The following OTUD7B variants were observed in gnomAD, a reference collection of about 807,000 sequenced individuals.
OTUD7B encodes the protein OTU domain-containing protein 7B.
OTUD7B carries 34 observed loss-of-function variants against 82.2 expected under a neutral mutation model. The observed-to-expected ratio is 0.41, with a 90% CI of 0.31 to 0.55. The LOEUF is 0.55. Among genes scored for constraint, OTUD7B ranks in the 20% least tolerant of loss-of-function variants. OTUD7B has a pLI of 0.20. For synonymous variants in OTUD7B, 398 were observed against 402.7 expected (o/e 0.99, Z 0.14); for missense variants, 944 against 1,062.1 (o/e 0.89, Z 1.55).
chr1:150,014,487 T>C (rs587633834), upstream of OTUD7B, among the ~76,000 whole-genome samples: 12 of 151,748 alleles, frequency 7.9e-5, no homozygotes, highest in Admixed American at 7.2e-4. Flanking sequence ...CCCTAGGAAT[T>C]TACCCAATAG....
At chr1:150,060,029 G>GA in the OTUD7B span, among the ~76,000 whole-genome samples, 22 of 151,838 alleles carry the variant, frequency 1.4e-4, no homozygotes, top group South Asian at 2.9e-3. Context: ...GTTTAAAAGA[G>GA]AAAAAAAATC....
the OTUD7B span, among the ~76,000 whole-genome samples, chr1:150,042,153 C>CCCTT: frequency 2.9e-5 from 3 of 105,026 alleles, no homozygotes; most frequent in Non-Finnish European, 5.8e-5. Context: ...CTTCCTTCCT[C>CCCTT]CCTTCCTTCC....
Position 149,967,472 on chromosome 1 carries a change from G to C in OTUD7B, c.324C>G (p.Ser108=). ...GISHASSSIV[S]LARSHVSSNG... ...TGGAGGAGACATGGGACCGGGCCAG[G>C]GAAACAATGCTGGAGCTGGCGTGGG... is the stretch of plus-strand genomic sequence containing the variant. Residue 108 remains serine (S), a synonymous_variant, in exon 4 of 12, where the codon TCC becomes TCG. Coordinates refer to ENST00000581312, the MANE Select transcript of OTUD7B (RefSeq NM_020205.4). 6.2e-7 allele frequency: 1 copy of C among 1,613,714 alleles called. No individual in the cohort carries two copies. The highest frequency in any genetic ancestry group is 8.5e-7 in the Non-Finnish European group (1 of 1,179,754).
upstream of OTUD7B, among the ~76,000 whole-genome samples, chr1:150,014,196 T>A (rs138693478): frequency 3.3e-4 from 45 of 137,920 alleles, no homozygotes; most frequent in African/African-American, 1.2e-3. Flanking sequence ...CACAGGAGTT[T>A]GAGACCAGCC....
At position 149,944,816 on chromosome 1, in the gene OTUD7B, T is replaced by A. The variant is rs782049026; in HGVS notation, c.1573A>T (p.Met525Leu). Residue 525 changes from methionine to leucine, a missense_variant, in exon 12 of 12, where the codon ATG (methionine) becomes TTG (leucine). This residue lies in a region of OTUD7B where 412 missense variants were observed against 418.7 expected (regional missense o/e 0.98). Coordinates refer to ENST00000581312, the MANE Select transcript of OTUD7B (RefSeq NM_020205.4). ...SKLKKNMGGL[M>L]HSKGSKPGGV... is the part of the protein sequence containing the mutation. ...CCAGGCTTTGAACCCTTGCTGTGCATCAGGCCCCCCATGTTCTTCTTGAGC... is the reference window on the plus strand; with the variant it reads ...CCAGGCTTTGAACCCTTGCTGTGCAACAGGCCCCCCATGTTCTTCTTGAGC... 1 of 1,614,118 alleles carries A rather than the reference T, an allele frequency of 6.2e-7. No homozygotes were observed. Among genetic ancestry groups the A allele is most frequent in the Non-Finnish European group, 8.5e-7 (1 of 1,180,022 alleles).
chr1:150,059,138 C>T, the OTUD7B span, among the ~76,000 whole-genome samples: 1 of 147,760 alleles, frequency 6.8e-6, no homozygotes, highest in African/African-American at 2.5e-5. Context: ...ACTGCAACCT[C>T]TGCCGCCCAG....
chr1:149,993,523 G>T (rs1203531282), intron 1 of OTUD7B, among the ~76,000 whole-genome samples: 2 of 152,058 alleles, frequency 1.3e-5, no homozygotes, highest in African/African-American at 2.4e-5. Flanking sequence ...AAGATGAAGA[G>T]GAAATTTTAA....
chr1:149,954,884 T>G (rs1648544527), intron 7 of OTUD7B, among the ~76,000 whole-genome samples: 1 of 152,210 alleles, frequency 6.6e-6, no homozygotes. Flanking sequence ...GGATCGGTGG[T>G]GATATGCCCT....
chr1:150,050,409 T>C, the OTUD7B span: 1 of 152,172 alleles, frequency 6.6e-6, no homozygotes, highest in Non-Finnish European at 1.5e-5. Flanking sequence ...AACACATATA[T>C]ATATTCATAG....
intron 7 of OTUD7B, among the ~76,000 whole-genome samples, chr1:149,954,916 A>G (rs1553774235): frequency 1.3e-5 from 2 of 151,906 alleles, no homozygotes; most frequent in African/African-American, 4.8e-5. Flanking sequence ...TATTGTGTCT[A>G]TTTGATTCTT....
At chr1:150,031,880 T>G in the OTUD7B span, among the ~76,000 whole-genome samples, 3 of 152,238 alleles carry the variant, frequency 2.0e-5, no homozygotes, top group Non-Finnish European at 4.4e-5. Context: ...GTATTTGCTA[T>G]TATTGTTTTG....
chr1:149,950,041 G>T, intron 8 of OTUD7B, 53 bp downstream of exon 8: 1 of 1,607,890 alleles, frequency 6.2e-7, no homozygotes. Flanking sequence ...TTAGCCTAAG[G>T]CTTTGCAAAA....
At chr1:150,054,808 C>CAAA in the OTUD7B span, 1,179 of 41,730 alleles carry the variant, frequency 0.028, 268 homozygotes, top group African/African-American at 0.097. Flanking sequence ...AACTCAGTCT[C>CAAA]AAAAAAAAAA....
upstream of OTUD7B, among the ~76,000 whole-genome samples, chr1:150,014,084 G>GTGTGTATA (rs1336267152): frequency 4.9e-3 from 148 of 30,362 alleles, no homozygotes; most frequent in African/African-American, 0.011. Context: ...GTGTGTGTGT[G>GTGTGTATA]TATATATATA....
intron 11 of OTUD7B, 119 bp from the exon 12 acceptor site, chr1:149,945,184 A>G (rs1571583238): frequency 7.4e-7 from 1 of 1,349,536 alleles, no homozygotes; most frequent in South Asian, 1.5e-5. Flanking sequence ...TGGCTATAGA[A>G]ATTAGCCAGG....
the OTUD7B span, among the ~76,000 whole-genome samples, chr1:150,042,218 G>C: frequency 5.4e-3 from 807 of 148,790 alleles, 4 homozygotes; most frequent in African/African-American, 0.019. Context: ...TGTCGCCCAG[G>C]CTGGAATGCA....
At chr1:150,063,281 G>A in the OTUD7B span, among the ~76,000 whole-genome samples, 1 of 151,912 alleles carries the variant, frequency 6.6e-6, no homozygotes, top group Non-Finnish European at 1.5e-5. Flanking sequence ...GTGAAACCCT[G>A]CCTGTACTAA....
Position 149,943,607 on chromosome 1 carries a change from C to A in OTUD7B, c.*250G>T. 4.3e-6 allele frequency: 2 copies of A among 460,696 alleles called. No individual in the cohort carries two copies. The highest frequency in any genetic ancestry group is 3.7e-5 in the East Asian group (1 of 26,972). 28.5% of individuals were successfully genotyped at this position (460,696 alleles called of 1,614,324 possible). On this transcript the variant is annotated 3_prime_UTR_variant, in exon 12 of 12. Coordinates refer to ENST00000581312, the MANE Select transcript of OTUD7B (RefSeq NM_020205.4). ...TTATAAGACAGAATCGCCATCTTTT[C>A]CCCTTGTACCTCAAACCTCATCAAG... is the stretch of plus-strand genomic sequence containing the variant.
At chr1:150,038,999 TTTA>T in the OTUD7B span, among the ~76,000 whole-genome samples, 467 of 152,274 alleles carry the variant, frequency 3.1e-3, no homozygotes, top group Admixed American at 6.5e-3. Flanking sequence ...AAATGTAATC[TTTA>T]TTATTAAGTA....
Sources: gnomAD v4.1 joint callset for allele counts (sites outside exome capture counted in the v4.1 genomes callset) on GRCh38, gnomAD v4.1.1 for gene constraint, gnomAD v4.1.1 regional missense constraint, MANE v1.5 for transcripts, NCBI Gene and HGNC (gene_info 2026-07-23, HGNC 2026-07-21) for gene names.